Variants in SH3BP2 observed in about 807,000 individuals in gnomAD.
The protein encoded by SH3BP2 is SH3 domain binding protein 2, also known as SH3 domain-binding protein 2.
Under a neutral mutation model 56.2 loss-of-function variants are expected in SH3BP2, and 38 were observed. The observed-to-expected ratio is 0.68, with a 90% CI of 0.52 to 0.89. The LOEUF is 0.89. SH3BP2 is among the 40% of genes least tolerant of loss of function. The probability of loss-of-function intolerance (pLI) is 0.00; values close to 1 mark genes in which losing one functional copy is unlikely to be tolerated. For missense variants in SH3BP2, 748 were observed against 762.6 expected (o/e 0.98, Z 0.23); for synonymous variants, 346 against 316.7 (o/e 1.09, Z -0.98).
chr4:2,830,166 T>C lies in SH3BP2; in HGVS notation c.1241+19T>C. The C allele has an allele frequency of 6.3e-7, 1 of 1,592,768 alleles. No individual in the cohort carries two copies. Among genetic ancestry groups the C allele is most frequent in the East Asian group, 2.2e-5 (1 of 44,626 alleles). On this transcript the variant is annotated intron_variant, in intron 8 of 12. Coordinates refer to ENST00000503393, the MANE Select transcript of SH3BP2 (RefSeq NM_001122681.2). ...ACCTCCAGTGAGTTTGTGTGGCGGC[T>C]GCAAGCCCTGCCTCCAGCTACAGGG...
chr4:2,839,436 G>A lies in SH3BP2; in HGVS notation c.*5602G>A, dbSNP rs547284835. The A allele has an allele frequency of 6.6e-6, 1 of 152,178 alleles. No individual in the cohort carries two copies. The highest frequency in any genetic ancestry group is 2.4e-5 in the African/African-American group (1 of 41,552). The allele number at this position is 152,178 out of a possible 1,614,324, so 9.4% of individuals were successfully genotyped here. On this transcript the variant is annotated 3_prime_UTR_variant, in exon 13 of 13. Coordinates refer to ENST00000503393, the MANE Select transcript of SH3BP2 (RefSeq NM_001122681.2). ...CTGCTGGCCTCAGCCTCCCAAAGTT[G>A]GGATTATAGGCGTGAGCTACCAGAT...
intron 10 of SH3BP2, 163 bp downstream of exon 10, chr4:2,832,141 C>A: frequency 1.0e-6 from 1 of 968,366 alleles, no homozygotes; most frequent in Non-Finnish European, 1.6e-6. Flanking sequence ...GTCCCATGCC[C>A]AGCTGGCACC....
Position 2,824,736 on chromosome 4 carries a change from T to C in SH3BP2, c.357+6T>C, listed in dbSNP as rs768308170. Reference sequence around the variant, plus strand: ...CCTCCGAGGAGGAGCGCAAGGTGACTGGGGGTCCGAGGACGAGTGCAAGGT... The same window carrying C: ...CCTCCGAGGAGGAGCGCAAGGTGACCGGGGGTCCGAGGACGAGTGCAAGGT... On this transcript the variant is annotated splice_donor_region_variant and intron_variant, in intron 4 of 12. Coordinates refer to ENST00000503393, the MANE Select transcript of SH3BP2 (RefSeq NM_001122681.2). 6.2e-7 allele frequency: 1 copy of C among 1,601,092 alleles called. No individual in the cohort carries two copies. Among genetic ancestry groups the C allele is most frequent in the South Asian group, 1.1e-5 (1 of 90,810 alleles).
chr4:2,799,087 C>A (rs942467415), intron 1 of SH3BP2: 5 of 985,408 alleles, frequency 5.1e-6, no homozygotes, highest in African/African-American at 1.7e-5. Flanking sequence ...GCAGCCTCAG[C>A]CTCCACCCGC....
rs1023155348 is a variant in SH3BP2, at chr4:2,839,928, T to G, written c.*6094T>G. On this transcript the variant is annotated 3_prime_UTR_variant, in exon 13 of 13. Coordinates refer to ENST00000503393, the MANE Select transcript of SH3BP2 (RefSeq NM_001122681.2). ...ATTTTGGTTAGTGCTTTTTGTGGCT[T>G]AAGAAATTCTTTCCAGGCTGGGTAC... 6.6e-6 allele frequency: 1 copy of G among 152,016 alleles called. No individual in the cohort carries two copies. Among genetic ancestry groups the G allele is most frequent in the South Asian group, 2.1e-4 (1 of 4,804 alleles). 9.4% of individuals were successfully genotyped at this position (152,016 alleles called of 1,614,324 possible).
chr4:2,803,161 G>C (rs896182506), intron 1 of SH3BP2, among the ~76,000 whole-genome samples: 5 of 152,138 alleles, frequency 3.3e-5, no homozygotes, highest in African/African-American at 1.2e-4. Context: ...ACTGCTATAC[G>C]GTCCCAAGGC....
intron 1 of SH3BP2, among the ~76,000 whole-genome samples, chr4:2,798,142 G>A (rs1293495538): frequency 1.3e-5 from 2 of 152,180 alleles, no homozygotes; most frequent in Admixed American, 6.5e-5. Context: ...GCCTGGTCTC[G>A]GTGGCCCTGG....
chr4:2,831,577 AC>A lies in SH3BP2; in HGVS notation c.1254del (p.Asp419MetfsTer90). The A allele has an allele frequency of 2.5e-6, 4 of 1,582,500 alleles. No homozygotes were observed. The highest frequency in any genetic ancestry group is 4.6e-5 in the East Asian group (2 of 43,052). ...CCTCTCCCTGCCCCTCCAGGCGATC[AC>A]CCCCCGATGGGCAGAGTTTCAGGAG... Reference protein sequence around the residue: ...KPQLPHLQRSPPDGQSFRSFS... With the variant: ...KPQLPHLQRSXPDGQSFRSFS... On this transcript the variant is annotated frameshift_variant, in exon 9 of 13. Transcript: ENST00000503393. LOFTEE classifies it high-confidence loss of function. This position sits in a 1 kb window ranked among gnomAD's most constrained non-coding sequence, Gnocchi z 4.1.
chr4:2,823,974 G>A (rs1724453257), intron 3 of SH3BP2, among the ~76,000 whole-genome samples: 1 of 152,240 alleles, frequency 6.6e-6, no homozygotes, highest in South Asian at 2.1e-4. Context: ...CCGGCCTCCA[G>A]CATGTGCCAG....
chr4:2,797,060 GC>G (rs1723089473), intron 1 of SH3BP2, among the ~76,000 whole-genome samples: 1 of 152,214 alleles, frequency 6.6e-6, no homozygotes, highest in Admixed American at 6.5e-5. Flanking sequence ...TGAATGGGCA[GC>G]TCCGTTTGGG....
rs911658959 is a variant in SH3BP2 at position 2,838,863 on chromosome 4, A to G, written c.*5029A>G. ...TGTGTTTTTTGCAAATGGTGCACAA[A>G]TTTTTCTAGGGTTTGTACTCAGGAG... On this transcript the variant is annotated 3_prime_UTR_variant, in exon 13 of 13. Transcript: ENST00000503393. 8 of 151,918 alleles carry G rather than the reference A, an allele frequency of 5.3e-5. No homozygotes were observed. Among genetic ancestry groups the G allele is most frequent in the African/African-American group, 1.7e-4 (7 of 41,334 alleles). The allele number at this position is 151,918 out of a possible 1,614,324, so 9.4% of individuals were successfully genotyped here.
intron 2 of SH3BP2, among the ~76,000 whole-genome samples, chr4:2,821,080 T>G (rs1724279156): frequency 6.6e-6 from 1 of 152,166 alleles, no homozygotes; most frequent in South Asian, 2.1e-4. Context: ...TTCAGTGAGT[T>G]AGTTGGTCAC....
rs1386247586 is a variant in SH3BP2 at position 2,831,592 on chromosome 4, G to C, written c.1263G>C (p.Gln421His). 2 of 1,596,442 alleles carry C rather than the reference G, an allele frequency of 1.3e-6. No individual in the cohort carries two copies. The change falls in exon 9 of 13, where the codon CAG becomes CAC. Residue 421 changes from glutamine to histidine, a missense_variant. Gln to His is a conservative substitution (Grantham distance 24). Coordinates refer to ENST00000503393, the MANE Select transcript of SH3BP2 (RefSeq NM_001122681.2). The surrounding 1 kb of genome is among the most constrained non-coding windows in gnomAD (Gnocchi z 4.1). ...PHLQRSPPDG[Q>H]SFRSFSFEKP... ...CCAGGCGATCACCCCCCGATGGGCA[G>C]AGTTTCAGGAGCTTCTCCTTTGAAA...
At chr4:2,793,681 C>A (rs1290380537) in intron 1 of SH3BP2, 1 of 152,194 alleles carries the variant, frequency 6.6e-6, no homozygotes, top group African/African-American at 2.4e-5. Context: ...TTCCCGGAAT[C>A]CAAACTTCCC....
chr4:2,827,102 T>C (rs1724704637), intron 5 of SH3BP2, 128 bp from the exon 6 acceptor site: 1 of 745,526 alleles, frequency 1.3e-6, no homozygotes, highest in South Asian at 1.4e-5. Context: ...TGTTTGTCAG[T>C]GTATCCGTGT....
At chr4:2,809,703 TG>T in intron 1 of SH3BP2, 1 of 768,260 alleles carries the variant, frequency 1.3e-6, no homozygotes, top group Non-Finnish European at 1.6e-6. Flanking sequence ...CCCACTGTGC[TG>T]GGTGTTTGCC....
intron 10 of SH3BP2, 105 bp from the exon 11 acceptor site, chr4:2,832,226 A>T: frequency 8.9e-7 from 1 of 1,128,350 alleles, no homozygotes; most frequent in Non-Finnish European, 1.4e-6. Context: ...CCTGAGACCT[A>T]CAACAGCGAG....
rs950861934 is a variant in SH3BP2 at position 2,800,055 on chromosome 4, G to A, written c.-5+6917G>A. On this transcript the variant is annotated intron_variant, in intron 1 of 12. Transcript: ENST00000503393. ...CGGGCGGGGTCTGGGGAAAGGGTGG[G>A]GGCTGCCACAGACAGAAGTGGGTTC... is the stretch of plus-strand genomic sequence containing the variant. Among the ~76,000 whole-genome samples, 6 of 152,276 alleles carry A rather than the reference G, an allele frequency of 3.9e-5. No homozygotes were observed. In the East Asian group the frequency reaches 7.7e-4, roughly 20 times the overall value.
intron 1 of SH3BP2, among the ~76,000 whole-genome samples, chr4:2,815,646 G>C (rs1723961083): frequency 6.6e-6 from 1 of 152,250 alleles, no homozygotes; most frequent in Admixed American, 6.5e-5. Context: ...ACACAGGCCA[G>C]GTCTTATAGC....
Sources: allele counts gnomAD v4.1 joint callset (sites outside exome capture counted in the v4.1 genomes callset), GRCh38; gene constraint gnomAD v4.1.1; non-coding constraint Gnocchi (gnomAD v3.1); transcripts MANE v1.5; gene names NCBI Gene and HGNC (gene_info 2026-07-23, HGNC 2026-07-21).